Variants in ANXA4 observed in about 807,000 individuals in gnomAD.
The protein encoded by ANXA4 is annexin A4, also known as 35-beta calcimedin.
A neutral mutation model predicts 49.8 loss-of-function variants in ANXA4; 39 were observed. That is an observed-to-expected ratio of 0.78 (90% CI 0.61 to 1.02). The LOEUF (loss-of-function observed/expected upper bound fraction) is 1.02, where lower values mean the gene tolerates loss of function less well. Ranked by LOEUF, ANXA4 falls within the 50% of genes least tolerant of loss-of-function variation. The probability of loss-of-function intolerance (pLI) is 0.00; values close to 1 mark genes in which losing one functional copy is unlikely to be tolerated. For synonymous variants in ANXA4, 134 were observed against 152.5 expected (o/e 0.88, Z 0.89); for missense variants, 360 against 410.1 (o/e 0.88, Z 1.05).
intron 2 of ANXA4, among the ~76,000 whole-genome samples, chr2:69,656,565 T>TTA (rs1170616003): frequency 6.9e-6 from 1 of 145,466 alleles, no homozygotes; most frequent in Non-Finnish European, 1.5e-5. Flanking sequence ...TTTTTTTTTT[T>TTA]TTTTTGAGAT....
chr2:69,660,429 C>T (rs1287832087), intron 2 of ANXA4, among the ~76,000 whole-genome samples: 1 of 151,938 alleles, frequency 6.6e-6, no homozygotes, highest in Admixed American at 6.6e-5. Flanking sequence ...CAGCGTAAAA[C>T]ACAAGAAAAA....
intron 3 of ANXA4, among the ~76,000 whole-genome samples, chr2:69,721,573 C>A (rs566239917): frequency 6.6e-6 from 1 of 152,120 alleles, no homozygotes; most frequent in South Asian, 2.1e-4. Flanking sequence ...CGGTGGAACA[C>A]GCCTGTAGTC....
chr2:69,817,116 T>C (rs1217687480), intron 9 of ANXA4: 1 of 152,342 alleles, frequency 6.6e-6, no homozygotes, highest in South Asian at 2.1e-4. Context: ...TGGTTACAAA[T>C]AACAGGAATC....
chr2:69,713,542 A>G (rs1678751034), intron 2 of ANXA4: 1 of 152,198 alleles, frequency 6.6e-6, no homozygotes, highest in African/African-American at 2.4e-5. Context: ...AATAAAGCCA[A>G]TTTAAAAAGT....
chr2:69,784,100 A>G (rs1457940304), intron 2 of ANXA4, among the ~76,000 whole-genome samples: 2 of 152,050 alleles, frequency 1.3e-5, no homozygotes, highest in African/African-American at 4.8e-5. Context: ...ATTCCTTCCT[A>G]TATCCTCTCT....
chr2:69,753,632 A>G (rs531944380), intron 1 of ANXA4, among the ~76,000 whole-genome samples: 5 of 152,304 alleles, frequency 3.3e-5, no homozygotes, highest in Non-Finnish European at 5.9e-5. Flanking sequence ...AGGAACTTCA[A>G]AGCGTCTTAG....
intron 3 of ANXA4, among the ~76,000 whole-genome samples, chr2:69,800,636 T>C (rs1673151845): frequency 6.6e-6 from 1 of 152,162 alleles, no homozygotes; most frequent in African/African-American, 2.4e-5. Flanking sequence ...TTGGAGGATG[T>C]AGATGTTAAA....
At chr2:69,721,853 A>G (rs1669819772) in intron 3 of ANXA4, among the ~76,000 whole-genome samples, 1 of 152,174 alleles carries the variant, frequency 6.6e-6, no homozygotes, top group African/African-American at 2.4e-5. Flanking sequence ...AAGAATGGAT[A>G]TTTTCACCAA....
rs752565943 is a variant in ANXA4 at position 69,808,005 on chromosome 2, C to T, written c.397+9C>T. ...CCAAACCTACCAGCAGCGTACGTGA[C>T]ATCCGCAGTGGCCCTGGCTGAGGTT... On this transcript the variant is annotated intron_variant, in intron 6 of 12. Coordinates refer to ENST00000394295, the MANE Select transcript of ANXA4 (RefSeq NM_001153.5). 4.3e-6 allele frequency: 7 copies of T among 1,613,560 alleles called. No individual in the cohort carries two copies. The South Asian group carries it at 4.4e-5, about 10-fold the overall frequency.
chr2:69,693,177 T>G (rs1678031386), intron 2 of ANXA4, among the ~76,000 whole-genome samples: 1 of 152,210 alleles, frequency 6.6e-6, no homozygotes, highest in Admixed American at 6.5e-5. Flanking sequence ...TCCCCTTTTT[T>G]GTTGCTCCTA....
At chr2:69,700,667 C>T (rs192309344) in intron 2 of ANXA4, among the ~76,000 whole-genome samples, 1 of 152,280 alleles carries the variant, frequency 6.6e-6, no homozygotes, top group Admixed American at 6.5e-5. Flanking sequence ...GCTCAAACCA[C>T]CTTTTCAAAA....
At chr2:69,806,558 T>G in intron 5 of ANXA4, 60 bp downstream of exon 5, 1 of 1,382,748 alleles carries the variant, frequency 7.2e-7, no homozygotes, top group Non-Finnish European at 1.0e-6. Flanking sequence ...TGTGCTTTCT[T>G]AAGAAACTGT....
At chr2:69,656,240 C>CAT (rs1676443483) in intron 2 of ANXA4, among the ~76,000 whole-genome samples, 2 of 107,304 alleles carry the variant, frequency 1.9e-5, no homozygotes, top group East Asian at 8.6e-4. Flanking sequence ...TATATATATA[C>CAT]GTATATATAT....
rs566434743 is a variant in ANXA4 at position 69,689,927 on chromosome 2, TA to T, written n.767-30840del. ...AAAGTTTTATGGCATATTCTCTCAT[TA>T]AAAAAATAAGGAAACATTTTCATAT... On this transcript the variant is annotated intron_variant and non_coding_transcript_variant, in intron 2 of 3. Transcript: ENST00000418066. Among the ~76,000 whole-genome samples the T allele has an allele frequency of 4.8e-3, 738 of 152,224 alleles. 4 individuals are homozygous for T. Among genetic ancestry groups the T allele is most frequent in the Middle Eastern group, 0.024 (7 of 294 alleles).
chr2:69,771,903 C>T (rs762540062), intron 1 of ANXA4, among the ~76,000 whole-genome samples: 2 of 152,120 alleles, frequency 1.3e-5, no homozygotes, highest in Non-Finnish European at 2.9e-5. Context: ...TTTGTAACTG[C>T]TATTGAGATA....
intron 2 of ANXA4, among the ~76,000 whole-genome samples, chr2:69,684,244 G>A (rs1323741320): frequency 6.6e-6 from 1 of 152,192 alleles, no homozygotes; most frequent in African/African-American, 2.4e-5. Flanking sequence ...AGGATGTGGT[G>A]TCACAACTCA....
intron 2 of ANXA4, among the ~76,000 whole-genome samples, chr2:69,667,621 TTC>T (rs1188398959): frequency 2.6e-5 from 4 of 152,222 alleles, no homozygotes; most frequent in Non-Finnish European, 5.9e-5. Flanking sequence ...ATGTCAGTTC[TTC>T]TCTCTCTTTT....
intron 2 of ANXA4, among the ~76,000 whole-genome samples, chr2:69,668,993 G>T (rs1437443449): frequency 6.6e-6 from 1 of 151,068 alleles, no homozygotes; most frequent in African/African-American, 2.4e-5. Context: ...CTGCAGTGCA[G>T]TGGTGCGATC....
intron 2 of ANXA4, among the ~76,000 whole-genome samples, chr2:69,785,130 G>A (rs1672361637): frequency 6.6e-6 from 1 of 152,300 alleles, no homozygotes. Context: ...TATAGAGGGT[G>A]ATGACCAAGT....
Sources: allele counts gnomAD v4.1 joint callset (sites outside exome capture counted in the v4.1 genomes callset), GRCh38; gene constraint gnomAD v4.1.1; transcripts MANE v1.5; gene names NCBI Gene and HGNC (gene_info 2026-07-23, HGNC 2026-07-21).